ASH1L: variants seen among roughly 807,000 people sequenced by gnomAD.
The protein encoded by ASH1L is ASH1 like histone lysine methyltransferase.
In ASH1L, 23 loss-of-function variants were observed where a neutral mutation model predicts 269.0. The ratio of observed to expected loss-of-function variants is 0.09; its 90% CI spans 0.06 to 0.12. The LOEUF is 0.12. ASH1L is among the 10% of genes least tolerant of loss of function. ASH1L has a pLI of 1.00. For missense variants in ASH1L, 2,912 were observed against 3,567.8 expected (o/e 0.82, Z 4.68); for synonymous variants, 1,187 against 1,253.5 (o/e 0.95, Z 1.12).
At chr1:155,364,350 G>A (rs529025020) in intron 12 of ASH1L, among the ~76,000 whole-genome samples, 5 of 152,262 alleles carry the variant, frequency 3.3e-5, no homozygotes, top group Admixed American at 1.3e-4. Context: ...GACATACTTA[G>A]GATTAGAGTT....
At position 155,438,896 on chromosome 1, in the gene ASH1L, G is replaced by A. The variant is rs1365573181; in HGVS notation, c.5259C>T (p.His1753=). The A allele has an allele frequency of 6.2e-7, 1 of 1,614,174 alleles. No homozygotes were observed. The highest frequency in any genetic ancestry group is 1.1e-5 in the South Asian group (1 of 91,082). The change falls in exon 5 of 28, where the codon CAC becomes CAT. Residue 1753 remains histidine, a synonymous_variant. Coordinates refer to ENST00000392403, the MANE Select transcript of ASH1L (RefSeq NM_018489.3). ...GTTTTCCCAGGGTTCGGTCCTTGCT[G>A]TGGCTACGGCCTGGACTGGAAGAAG... ...APPSSSPGRS[H]SKDRTLGKPD...
chr1:155,538,245 T>G (rs1411539011), intron 1 of ASH1L, among the ~76,000 whole-genome samples: 1 of 151,956 alleles, frequency 6.6e-6, no homozygotes, highest in African/African-American at 2.4e-5. Flanking sequence ...GTTTCACCAT[T>G]TTGGCCAGGT....
chr1:155,528,106 T>C (rs1167305747), intron 1 of ASH1L, among the ~76,000 whole-genome samples: 1 of 152,186 alleles, frequency 6.6e-6, no homozygotes, highest in Non-Finnish European at 1.5e-5. Flanking sequence ...CAGATTCACA[T>C]ATCTAAATGC....
chr1:155,462,193 T>C (rs950214814), intron 3 of ASH1L, among the ~76,000 whole-genome samples: 1 of 152,170 alleles, frequency 6.6e-6, no homozygotes, highest in African/African-American at 2.4e-5. Context: ...TGCTAGATAT[T>C]GTGAAGGTAG....
At chr1:155,555,496 CAAAAAAAAAAAAAA>C (rs57151613) in intron 1 of ASH1L, among the ~76,000 whole-genome samples, 1 of 55,096 alleles carries the variant, frequency 1.8e-5, no homozygotes, top group Non-Finnish European at 4.3e-5. Flanking sequence ...GACTCTGTCT[CAAAAAAAAAAAAAA>C]AAAAAAAATG....
chr1:155,514,372 TTATAAAC>T (rs1277995840), intron 2 of ASH1L, among the ~76,000 whole-genome samples: 7 of 152,224 alleles, frequency 4.6e-5, no homozygotes, highest in Non-Finnish European at 7.3e-5. Flanking sequence ...TATATAATTG[TTATAAAC>T]TATAAATAAA....
At chr1:155,503,127 T>C (rs1363758390) in intron 2 of ASH1L, among the ~76,000 whole-genome samples, 1 of 152,140 alleles carries the variant, frequency 6.6e-6, no homozygotes, top group Non-Finnish European at 1.5e-5. Context: ...ACTCAGTAAT[T>C]TTGCTAAGAA....
chr1:155,389,877 CTTT>C (rs1018913896), intron 7 of ASH1L, among the ~76,000 whole-genome samples: 4 of 118,446 alleles, frequency 3.4e-5, no homozygotes, highest in Admixed American at 9.0e-5. Flanking sequence ...CTACCAGTAG[CTTT>C]TTTTTTTTTT....
intron 21 of ASH1L, chr1:155,344,673 A>G (rs1261562941): frequency 6.2e-6 from 1 of 161,230 alleles, no homozygotes; most frequent in Admixed American, 6.1e-5. Flanking sequence ...GACAACAGCA[A>G]CATTGTTAAG....
chr1:155,352,463 A>G (rs1654017567), intron 17 of ASH1L, among the ~76,000 whole-genome samples: 1 of 151,916 alleles, frequency 6.6e-6, no homozygotes, highest in Non-Finnish European at 1.5e-5. Flanking sequence ...AACTGCAAAA[A>G]GCCACTATAA....
intron 6 of ASH1L, among the ~76,000 whole-genome samples, chr1:155,413,562 G>A (rs1412201761): frequency 6.6e-6 from 1 of 152,142 alleles, no homozygotes; most frequent in Admixed American, 6.6e-5. Flanking sequence ...AGCCGAGATC[G>A]TGCCATTGCA....
At chr1:155,544,676 A>G (rs1670669174) in intron 1 of ASH1L, among the ~76,000 whole-genome samples, 1 of 152,190 alleles carries the variant, frequency 6.6e-6, no homozygotes, top group Admixed American at 6.5e-5. Flanking sequence ...ATATATCTGT[A>G]GACTAAGACA....
At chr1:155,350,634 T>G (rs909076182) in intron 17 of ASH1L, among the ~76,000 whole-genome samples, 5 of 152,104 alleles carry the variant, frequency 3.3e-5, no homozygotes, top group Non-Finnish European at 7.4e-5. Flanking sequence ...GTAATTTGTT[T>G]GGCTGGGAAT....
intron 1 of ASH1L, among the ~76,000 whole-genome samples, chr1:155,549,075 C>G (rs996200691): frequency 6.6e-6 from 1 of 152,124 alleles, no homozygotes; most frequent in Non-Finnish European, 1.5e-5. Flanking sequence ...ATTTACATAG[C>G]ATTTACATTG....
intron 2 of ASH1L, among the ~76,000 whole-genome samples, chr1:155,505,137 T>C (rs1414899727): frequency 1.3e-5 from 2 of 152,214 alleles, no homozygotes; most frequent in African/African-American, 4.8e-5. Flanking sequence ...ATTTTCTTAC[T>C]ATTTACCTAC....
chr1:155,442,171 A>T (rs1662635922), intron 4 of ASH1L, among the ~76,000 whole-genome samples: 1 of 152,152 alleles, frequency 6.6e-6, no homozygotes, highest in South Asian at 2.1e-4. Flanking sequence ...TTACTGTTTC[A>T]TGACAGTAAG....
chr1:155,400,889 G>A (rs1658779315), intron 6 of ASH1L, among the ~76,000 whole-genome samples: 1 of 152,174 alleles, frequency 6.6e-6, no homozygotes, highest in Non-Finnish European at 1.5e-5. Flanking sequence ...CAGTGATGTG[G>A]TGGCTCACGC....
intron 5 of ASH1L, among the ~76,000 whole-genome samples, chr1:155,430,296 A>G (rs73010921): frequency 0.052 from 7,949 of 151,972 alleles, 704 homozygotes; most frequent in African/African-American, 0.18. Flanking sequence ...TTCTCTTTAG[A>G]TGTATCCTCT....
intron 5 of ASH1L, among the ~76,000 whole-genome samples, chr1:155,433,017 T>C (rs915358298): frequency 9.9e-5 from 15 of 152,242 alleles, no homozygotes; most frequent in Admixed American, 5.2e-4. Flanking sequence ...ATGGTCAAGA[T>C]GTCTCAAACT....
Sources: allele counts gnomAD v4.1 joint callset (sites outside exome capture counted in the v4.1 genomes callset), GRCh38; gene constraint gnomAD v4.1.1; transcripts MANE v1.5; gene names NCBI Gene and HGNC (gene_info 2026-07-23, HGNC 2026-07-21).